CADPS: variants seen among roughly 807,000 people sequenced by gnomAD.
The protein encoded by CADPS is calcium dependent secretion activator.
CADPS carries 57 observed loss-of-function variants against 167.3 expected under a neutral mutation model. The observed-to-expected ratio is 0.34, with a 90% confidence interval of 0.28 to 0.42. The LOEUF (loss-of-function observed/expected upper bound fraction) is 0.42, where lower values mean the gene tolerates loss of function less well. Among genes scored for constraint, CADPS ranks in the 20% least tolerant of loss-of-function variants. The pLI, the probability that CADPS is intolerant of heterozygous loss-of-function variation, is 1.00. For missense variants in CADPS, 1,414 were observed against 1,738.1 expected (o/e 0.81, Z 3.32); for synonymous variants, 676 against 635.3 (o/e 1.06, Z -0.96).
chr3:62,810,792 G>A (rs539603235), intron 1 of CADPS, among the ~76,000 whole-genome samples: 2 of 152,216 alleles, frequency 1.3e-5, no homozygotes, highest in Non-Finnish European at 1.5e-5. Flanking sequence ...TTCCACTCCC[G>A]GTCCACAAGT....
intron 23 of CADPS, among the ~76,000 whole-genome samples, chr3:62,474,590 C>T (rs1038572561): frequency 2.0e-5 from 3 of 152,084 alleles, no homozygotes; most frequent in Non-Finnish European, 2.9e-5. Flanking sequence ...CTATGGAGAA[C>T]CTTAATTGCA....
chr3:62,684,539 C>T (rs2077656098), intron 3 of CADPS, among the ~76,000 whole-genome samples: 1 of 152,076 alleles, frequency 6.6e-6, no homozygotes, highest in Non-Finnish European at 1.5e-5. Context: ...TTTTTATCCT[C>T]AATTCAGATG....
chr3:62,502,426 C>G (rs1271980129), intron 17 of CADPS, among the ~76,000 whole-genome samples: 1 of 152,022 alleles, frequency 6.6e-6, no homozygotes, highest in East Asian at 1.9e-4. Flanking sequence ...ACTTAAGAAC[C>G]ATTTCATACA....
chr3:62,707,494 C>T (rs1014768019), intron 3 of CADPS, among the ~76,000 whole-genome samples: 1 of 152,100 alleles, frequency 6.6e-6, no homozygotes, highest in Non-Finnish European at 1.5e-5. Context: ...TAAACCCTTT[C>T]TGAATGAATG....
chr3:62,483,377 G>A (rs908868455), intron 21 of CADPS, among the ~76,000 whole-genome samples: 2 of 138,338 alleles, frequency 1.4e-5, no homozygotes, highest in African/African-American at 5.4e-5. Context: ...GGGGTGGGGG[G>A]GTGGAGGTGG....
chr3:62,449,174 C>T (rs2057675769), intron 26 of CADPS, among the ~76,000 whole-genome samples: 1 of 152,246 alleles, frequency 6.6e-6, no homozygotes, highest in South Asian at 2.1e-4. Flanking sequence ...AGCTATCACA[C>T]TCCAGCCAGG....
intron 3 of CADPS, among the ~76,000 whole-genome samples, chr3:62,673,255 AG>A (rs2075835668): frequency 6.6e-6 from 1 of 152,216 alleles, no homozygotes; most frequent in Non-Finnish European, 1.5e-5. Context: ...TGAGGAGTTA[AG>A]GTGATGTTTT....
At chr3:62,828,936 T>A (rs1453082521) in intron 1 of CADPS, among the ~76,000 whole-genome samples, 1 of 152,162 alleles carries the variant, frequency 6.6e-6, no homozygotes, top group African/African-American at 2.4e-5. Flanking sequence ...CACTTCCAAC[T>A]GTGTTACATT....
At chr3:62,700,833 T>G (rs1373761592) in intron 3 of CADPS, among the ~76,000 whole-genome samples, 7 of 129,208 alleles carry the variant, frequency 5.4e-5, no homozygotes, top group Non-Finnish European at 1.3e-4. Flanking sequence ...CAGTTTGGGC[T>G]GCTATCACAA....
chr3:62,520,381 T>G (rs2070198615), intron 13 of CADPS, among the ~76,000 whole-genome samples: 1 of 152,196 alleles, frequency 6.6e-6, no homozygotes, highest in African/African-American at 2.4e-5. Flanking sequence ...ATGGATTATG[T>G]TTTTTCCTTT....
At chr3:62,408,273 C>T (rs946389443) in intron 28 of CADPS, among the ~76,000 whole-genome samples, 1 of 152,146 alleles carries the variant, frequency 6.6e-6, no homozygotes, top group Non-Finnish European at 1.5e-5. Flanking sequence ...AGGATCAGAT[C>T]TTGTCTTTAA....
Position 62,631,858 on chromosome 3 carries a change from A to C in CADPS, c.1325+13864T>G, listed in dbSNP as rs763308828. On this transcript the variant is annotated intron_variant, in intron 6 of 29. Transcript: ENST00000383710. Reference sequence around the variant, plus strand: ...CTAATGGTAGAAGCCGAAGAGATAGAGGTCTCCCAAAAACAAATATAGCAA... The same window carrying C: ...CTAATGGTAGAAGCCGAAGAGATAGCGGTCTCCCAAAAACAAATATAGCAA... Among the ~76,000 whole-genome samples the C allele has an allele frequency of 3.0e-4, 45 of 152,166 alleles. 1 individual carries two copies. The highest frequency in any genetic ancestry group is 5.0e-4 in the Non-Finnish European group (34 of 68,026).
At chr3:62,589,968 T>C (rs545078968) in intron 7 of CADPS, among the ~76,000 whole-genome samples, 1 of 152,118 alleles carries the variant, frequency 6.6e-6, no homozygotes, top group South Asian at 2.1e-4. Context: ...GGCGGGCGGA[T>C]CACTTCAGGT....
chr3:62,714,982 G>A (rs547598283), intron 3 of CADPS, among the ~76,000 whole-genome samples: 1 of 152,276 alleles, frequency 6.6e-6, no homozygotes, highest in African/African-American at 2.4e-5. Flanking sequence ...ATATTTGATA[G>A]CAGATGATAA....
At chr3:62,512,674 C>A in intron 17 of CADPS, 77 bp downstream of exon 17, 5 of 1,103,734 alleles carry the variant, frequency 4.5e-6, no homozygotes, top group East Asian at 2.4e-5. Context: ...CCTTAAGGAG[C>A]CATTGAAAAA....
intron 7 of CADPS, among the ~76,000 whole-genome samples, chr3:62,587,813 G>C (rs2084981910): frequency 6.6e-6 from 1 of 152,178 alleles, no homozygotes; most frequent in Non-Finnish European, 1.5e-5. Flanking sequence ...AGGGTGGATG[G>C]AGAGATGAAG....
intron 9 of CADPS, among the ~76,000 whole-genome samples, chr3:62,561,556 C>T (rs539754065): frequency 6.6e-6 from 1 of 152,134 alleles, no homozygotes; most frequent in Admixed American, 6.5e-5. Context: ...AGGCATGAGC[C>T]ACCACACCTG....
At chr3:62,403,021 G>T in intron 29 of CADPS, 60 bp downstream of exon 29, 2 of 1,052,824 alleles carry the variant, frequency 1.9e-6, no homozygotes, top group Non-Finnish European at 2.9e-6. Flanking sequence ...TTTGCAGCTT[G>T]CCAGTGAAAT....
chr3:62,556,994 AACACACACACACACAC>A lies in CADPS; in HGVS notation c.1753+395_1753+410del, dbSNP rs56228621. Among the ~76,000 whole-genome samples, 139 of 143,656 alleles carry A rather than the reference AACACACACACACACAC, an allele frequency of 9.7e-4. 1 individual carries two copies. The highest frequency in any genetic ancestry group is 2.7e-3 in the African/African-American group (100 of 37,574). The allele number at this position is 143,656 out of a possible 152,430, so 94.2% of individuals were successfully genotyped here. ...AGCCCACACATCACTGGTGAAAAAC[AACACACACACACACAC>A]ACACACACACACACACACACACACA... On this transcript the variant is annotated intron_variant, in intron 10 of 29. Transcript: ENST00000383710.
Sources: gnomAD v4.1 joint callset for allele counts (sites outside exome capture counted in the v4.1 genomes callset) on GRCh38, gnomAD v4.1.1 for gene constraint, MANE v1.5 for transcripts, NCBI Gene and HGNC (gene_info 2026-07-23, HGNC 2026-07-21) for gene names.